RAB23: variants seen among roughly 807,000 people sequenced by gnomAD.
RAB23 encodes RAB23, member RAS oncogene family.
RAB23 carries 15 observed loss-of-function variants against 30.0 expected under a neutral mutation model. The observed-to-expected ratio is 0.50, with a 90% CI of 0.33 to 0.77. The LOEUF is 0.77. RAB23 is among the 30% of genes least tolerant of loss of function. The pLI, the probability that RAB23 is intolerant of heterozygous loss-of-function variation, is 0.02. For missense variants in RAB23, 243 were observed against 275.4 expected, an observed-to-expected ratio of 0.88 and a Z score of 0.83; for synonymous variants, 93 against 94.0, an observed-to-expected ratio of 0.99 and a Z score of 0.06.
chr6:57,192,257 T>C (rs1192286249), intron 6 of RAB23, among the ~76,000 whole-genome samples: 1 of 152,210 alleles, frequency 6.6e-6, no homozygotes, highest in African/African-American at 2.4e-5. Context: ...TAAAGAACTT[T>C]ATAGTTTCCA....
intron 3 of RAB23, among the ~76,000 whole-genome samples, chr6:57,204,232 T>C (rs1251168483): frequency 6.6e-6 from 1 of 152,192 alleles, no homozygotes; most frequent in Non-Finnish European, 1.5e-5. Context: ...ATACTGTACC[T>C]AAAAGTTCAT....
chr6:57,210,451 G>T lies in RAB23; in HGVS notation c.-65-6C>A. On this transcript the variant is annotated splice_region_variant and splice_polypyrimidine_tract_variant and intron_variant, in intron 1 of 6. Transcript: ENST00000468148. ...TCAGATCTTCCCTCTCAAATCTGTG[G>T]TTTAAAATGAAATTATTTTTTCATA... The T allele has an allele frequency of 6.8e-7, 1 of 1,473,006 alleles. No individual in the cohort carries two copies. 91.2% of individuals were successfully genotyped at this position (1,473,006 alleles called of 1,614,324 possible).
chr6:57,194,909 T>C, intron 4 of RAB23, 57 bp from the exon 5 acceptor site: 1 of 1,271,314 alleles, frequency 7.9e-7, no homozygotes, highest in Admixed American at 1.7e-5. Context: ...TAGCTTGTTT[T>C]TTAAATCACT....
At chr6:57,204,984 G>A (rs985648762) in intron 3 of RAB23, among the ~76,000 whole-genome samples, 1 of 151,362 alleles carries the variant, frequency 6.6e-6, no homozygotes, top group African/African-American at 2.4e-5. Context: ...ACATACATAT[G>A]TGTACATATG....
At chr6:57,219,970 G>A (rs1407109304) in intron 1 of RAB23, among the ~76,000 whole-genome samples, 1 of 152,174 alleles carries the variant, frequency 6.6e-6, no homozygotes, top group Non-Finnish European at 1.5e-5. Context: ...GACACTGTTA[G>A]AATGAAGAGA....
intron 3 of RAB23, among the ~76,000 whole-genome samples, chr6:57,198,524 T>C (rs1765115172): frequency 6.6e-6 from 1 of 151,530 alleles, no homozygotes. Flanking sequence ...CTACAAAAAA[T>C]ACAAAAATCA....
intron 2 of RAB23, among the ~76,000 whole-genome samples, chr6:57,209,233 G>A (rs371149800): frequency 5.3e-5 from 8 of 152,282 alleles, no homozygotes; most frequent in African/African-American, 1.9e-4. Context: ...TAAATTTTTT[G>A]CTGCTCTATA....
chr6:57,194,148 T>A (rs978913646), intron 5 of RAB23, among the ~76,000 whole-genome samples: 13 of 152,120 alleles, frequency 8.5e-5, no homozygotes, highest in African/African-American at 2.9e-4. Flanking sequence ...ATTTTATTAG[T>A]AAATAAGTGA....
At chr6:57,219,409 A>G (rs377131173) in intron 1 of RAB23, among the ~76,000 whole-genome samples, 1 of 152,230 alleles carries the variant, frequency 6.6e-6, no homozygotes, top group Admixed American at 6.5e-5. Flanking sequence ...CCCTAAATTG[A>G]TCTACGGGTG....
rs1446978170 is a variant in RAB23 at position 57,189,135 on chromosome 6, G to C, written c.*1326C>G. The C allele has an allele frequency of 6.6e-6, 1 of 152,206 alleles. No individual in the cohort carries two copies. 9.4% of individuals were successfully genotyped at this position (152,206 alleles called of 1,614,324 possible). On this transcript the variant is annotated 3_prime_UTR_variant, in exon 7 of 7. Transcript: ENST00000468148. ...TTCACGCAATTATCTTAGCTGGAAA[G>C]CTACTGTCCCAAGTGACAAAATTTA... is the stretch of plus-strand genomic sequence containing the variant.
Position 57,210,429 on chromosome 6 carries a change from G to C in RAB23, c.-49C>G, listed in dbSNP as rs45474592. 1 of 1,557,624 alleles carries C rather than the reference G, an allele frequency of 6.4e-7. No homozygotes were observed. The highest frequency in any genetic ancestry group is 8.9e-7 in the Non-Finnish European group (1 of 1,129,708). On this transcript the variant is annotated 5_prime_UTR_variant, in exon 2 of 7. The change creates a new upstream start codon in the 5' untranslated region. Coordinates refer to ENST00000468148, the MANE Select transcript of RAB23 (RefSeq NM_016277.5). ...TACCAACTCTAATTCTAGGAGATCA[G>C]ATCTTCCCTCTCAAATCTGTGGTTT... is the stretch of plus-strand genomic sequence containing the variant.
intron 5 of RAB23, among the ~76,000 whole-genome samples, chr6:57,194,428 A>C (rs970114410): frequency 2.0e-5 from 3 of 152,086 alleles, no homozygotes; most frequent in South Asian, 2.1e-4. Flanking sequence ...AAATAAACTA[A>C]CTACCTAGTG....
At chr6:57,210,474 A>G (rs1765613895) in intron 1 of RAB23, 29 bp from the exon 2 acceptor site, 1 of 1,302,552 alleles carries the variant, frequency 7.7e-7, no homozygotes, top group African/African-American at 1.5e-5. Flanking sequence ...TTATTTTTTC[A>G]TAACACAAAA....
chr6:57,192,593 C>A (rs898579787), intron 6 of RAB23, among the ~76,000 whole-genome samples: 15 of 152,198 alleles, frequency 9.9e-5, no homozygotes, highest in Middle Eastern at 6.8e-3. Context: ...GATGTCTATT[C>A]TTTTAGAAGA....
intron 1 of RAB23, among the ~76,000 whole-genome samples, chr6:57,219,174 T>C (rs1765960220): frequency 6.6e-6 from 1 of 152,246 alleles, no homozygotes; most frequent in South Asian, 2.1e-4. Context: ...AAAATTCAAT[T>C]GTATTTCTGT....
At position 57,196,521 on chromosome 6, in the gene RAB23, G is replaced by A. The variant is rs370959474; in HGVS notation, c.327C>T (p.Ala109=). The change falls in exon 4 of 7, where the codon GCC becomes GCT. Residue 109 remains alanine (A), a synonymous_variant. Coordinates refer to ENST00000468148, the MANE Select transcript of RAB23 (RefSeq NM_016277.5). ...AVSSWREKVV[A]EVGDIPTVLV... ...GTACAGTTGGTATATCTCCCACTTC[G>A]GCTACTACTTTCTCTCTCCAACTGG... 8.7e-6 allele frequency: 14 copies of A among 1,613,730 alleles called. No homozygotes were observed. Among genetic ancestry groups the A allele is most frequent in the East Asian group, 2.2e-5 (1 of 44,848 alleles).
At chr6:57,209,940 G>A (rs986521135) in intron 2 of RAB23, among the ~76,000 whole-genome samples, 9 of 151,744 alleles carry the variant, frequency 5.9e-5, no homozygotes, top group Non-Finnish European at 1.3e-4. Flanking sequence ...GCATCAGTTT[G>A]TGTTTAAGAC....
chr6:57,192,296 A>G (rs1191839327), intron 6 of RAB23, among the ~76,000 whole-genome samples: 1 of 152,194 alleles, frequency 6.6e-6, no homozygotes, highest in East Asian at 1.9e-4. Flanking sequence ...ACAAAATGTA[A>G]TCTCCAATTT....
intron 1 of RAB23, 99 bp from the exon 2 acceptor site, chr6:57,210,544 G>T: frequency 1.3e-6 from 1 of 779,678 alleles, no homozygotes; most frequent in Non-Finnish European, 2.1e-6. Flanking sequence ...GCAAGGATGT[G>T]TTTTCATAAC....
Sources: allele counts gnomAD v4.1 joint callset (sites outside exome capture counted in the v4.1 genomes callset), GRCh38; gene constraint gnomAD v4.1.1; transcripts MANE v1.5; gene names NCBI Gene and HGNC (gene_info 2026-07-23, HGNC 2026-07-21).